PRP4K: variants seen among roughly 807,000 people sequenced by gnomAD.
PRP4K encodes pre-mRNA processing factor kinase PRP4K.
the PRP4K span, among the ~76,000 whole-genome samples, chr6:4,021,845 C>T: frequency 5.9e-5 from 9 of 152,106 alleles, no homozygotes; most frequent in African/African-American, 1.4e-4. Context: ...GTTGGGGACA[C>T]GAGGGTCAGT....
chr6:4,032,277 A>C, the PRP4K span: 1 of 1,613,116 alleles, frequency 6.2e-7, no homozygotes, highest in Non-Finnish European at 8.5e-7. Flanking sequence ...GAAAATTGGT[A>C]AGGCCAGATC....
At chr6:4,052,151 T>A in the PRP4K span, 1 of 1,464,026 alleles carries the variant, frequency 6.8e-7, no homozygotes, top group Non-Finnish European at 9.1e-7. Flanking sequence ...ATCTTTACGA[T>A]CTCATTTTGG....
At chr6:4,027,501 A>G in the PRP4K span, among the ~76,000 whole-genome samples, 13 of 149,366 alleles carry the variant, frequency 8.7e-5, no homozygotes, top group Non-Finnish European at 1.6e-4. Context: ...CCTAAAAATA[A>G]CATTCTTATT....
the PRP4K span, among the ~76,000 whole-genome samples, chr6:4,048,534 G>T: frequency 1.3e-5 from 2 of 152,092 alleles, no homozygotes; most frequent in African/African-American, 4.8e-5. Flanking sequence ...ATAGAAATTT[G>T]TATCTGGTTT....
chr6:4,021,952 C>T, the PRP4K span, among the ~76,000 whole-genome samples: 3 of 152,074 alleles, frequency 2.0e-5, no homozygotes, highest in Non-Finnish European at 2.9e-5. Flanking sequence ...AAGCAGAGAG[C>T]GGAGGTGCTG....
the PRP4K span, chr6:4,032,279 G>A: frequency 7.4e-6 from 12 of 1,613,220 alleles, no homozygotes; most frequent in Non-Finnish European, 1.0e-5. Flanking sequence ...AAATTGGTAA[G>A]GCCAGATCTC....
the PRP4K span, among the ~76,000 whole-genome samples, chr6:4,035,056 C>G: frequency 4.5e-4 from 68 of 151,940 alleles, no homozygotes; most frequent in African/African-American, 1.5e-3. Context: ...TACTAGTTTA[C>G]TTTATCCCAT....
the PRP4K span, chr6:4,052,828 A>G: frequency 4.3e-6 from 7 of 1,612,986 alleles, no homozygotes; most frequent in East Asian, 1.6e-4. Flanking sequence ...AACTCCTTAA[A>G]AGATGCAATA....
chr6:4,022,154 A>ATTTTTTTTTTT, the PRP4K span, among the ~76,000 whole-genome samples: 5 of 92,010 alleles, frequency 5.4e-5, no homozygotes, highest in East Asian at 3.5e-4. Context: ...GAGGCCTGGC[A>ATTTTTTTTTTT]TTTTTTTTTT....
At chr6:4,025,082 T>A in the PRP4K span, among the ~76,000 whole-genome samples, 1 of 152,212 alleles carries the variant, frequency 6.6e-6, no homozygotes, top group Non-Finnish European at 1.5e-5. Flanking sequence ...AAGAATGTTA[T>A]CCAATATTCA....
the PRP4K span, among the ~76,000 whole-genome samples, chr6:4,039,372 C>G: frequency 6.6e-6 from 1 of 152,168 alleles, no homozygotes; most frequent in Non-Finnish European, 1.5e-5. Flanking sequence ...GACCTGGCTA[C>G]CAGTAGAGTT....
the PRP4K span, among the ~76,000 whole-genome samples, chr6:4,029,206 T>C: frequency 1.3e-5 from 2 of 151,748 alleles, no homozygotes; most frequent in Non-Finnish European, 2.9e-5. Flanking sequence ...TTTACCTCAG[T>C]GTCTTTCACA....
At chr6:4,021,910 C>T in the PRP4K span, among the ~76,000 whole-genome samples, 1 of 152,202 alleles carries the variant, frequency 6.6e-6, no homozygotes, top group Non-Finnish European at 1.5e-5. Context: ...TACCCCCAGT[C>T]GTCCTTTTAC....
the PRP4K span, chr6:4,044,145 G>T: frequency 1.8e-4 from 139 of 773,538 alleles, no homozygotes; most frequent in African/African-American, 1.5e-3. Flanking sequence ...TGCTTCTGCT[G>T]AATATTGCAG....
At chr6:4,029,339 ATTT>A in the PRP4K span, among the ~76,000 whole-genome samples, 27 of 117,490 alleles carry the variant, frequency 2.3e-4, no homozygotes, top group Admixed American at 3.6e-4. Context: ...GTGTTACTCA[ATTT>A]TTTTTTTTTT....
At chr6:4,041,823 A>G in the PRP4K span, among the ~76,000 whole-genome samples, 1 of 152,248 alleles carries the variant, frequency 6.6e-6, no homozygotes, top group Non-Finnish European at 1.5e-5. Context: ...AAACCAGGTG[A>G]TTAAAGTTGG....
chr6:4,042,255 A>T, the PRP4K span, among the ~76,000 whole-genome samples: 4 of 152,326 alleles, frequency 2.6e-5, no homozygotes, highest in Admixed American at 2.6e-4. Context: ...TATTTCTTTT[A>T]TTCCCAATTT....
At chr6:4,041,071 A>T in the PRP4K span, 1 of 913,282 alleles carries the variant, frequency 1.1e-6, no homozygotes, top group Non-Finnish European at 1.6e-6. Context: ...TCTTTTGTGA[A>T]TATTGTGTAG....
At chr6:4,035,144 TCTCG>T in the PRP4K span, among the ~76,000 whole-genome samples, 1 of 151,128 alleles carries the variant, frequency 6.6e-6, no homozygotes, top group African/African-American at 2.4e-5. Context: ...TGAGATGGAG[TCTCG>T]CTCTGTCGCC....
Sources: gnomAD v4.1 joint callset for allele counts (sites outside exome capture counted in the v4.1 genomes callset) on GRCh38, gnomAD v4.1.1 for gene constraint, MANE v1.5 for transcripts, NCBI Gene and HGNC (gene_info 2026-07-23, HGNC 2026-07-21) for gene names.